CD44: variants seen among roughly 807,000 people sequenced by gnomAD.
CD44 encodes the protein CD44 molecule (IN blood group), also known as CD44 antigen.
In CD44, 49 loss-of-function variants were observed where a neutral mutation model predicts 88.8. The observed-to-expected ratio is 0.55, with a 90% CI of 0.44 to 0.70. The LOEUF is 0.70. Among genes scored for constraint, CD44 ranks in the 30% least tolerant of loss-of-function variants. The pLI is 0.00. For missense variants in CD44, 883 were observed against 913.8 expected (o/e 0.97, Z 0.43); for synonymous variants, 325 against 312.3 (o/e 1.04, Z -0.43).
chr11:35,171,479 C>T lies in CD44; in HGVS notation c.68-5096C>T, dbSNP rs186649232. 2.9e-3 allele frequency among the ~76,000 whole-genome samples: 449 copies of T among 152,270 alleles called. 8 individuals carry two copies. Among genetic ancestry groups the T allele is most frequent in the Admixed American group, 0.026 (404 of 15,302 alleles). ...TGCAGATACCTACAATGTGTCAGAA[C>T]CTGCTTAAGCCTTCACATCTAGGAA... On this transcript the variant is annotated intron_variant, in intron 1 of 17. Transcript: ENST00000428726.
chr11:35,151,290 A>T (rs1423274024), intron 1 of CD44, among the ~76,000 whole-genome samples: 7 of 152,164 alleles, frequency 4.6e-5, no homozygotes, highest in Non-Finnish European at 1.0e-4. Flanking sequence ...GCAATCAAGT[A>T]ACAGTGGCAC....
chr11:35,139,724 G>C, intron 1 of CD44: 1 of 526,028 alleles, frequency 1.9e-6, no homozygotes, highest in Admixed American at 2.2e-5. Context: ...GTGCCCAAGG[G>C]CTCGCCAAGC....
chr11:35,210,061 A>T lies in CD44; in HGVS notation c.1606+7A>T. Reference sequence around the variant, plus strand: ...TCTACTCTGACATCAAGCAGTAAGGATTATAAAACCTAGTTGGCTTCAGCT... The same window carrying T: ...TCTACTCTGACATCAAGCAGTAAGGTTTATAAAACCTAGTTGGCTTCAGCT... On this transcript the variant is annotated splice_region_variant and intron_variant, in intron 13 of 17. Coordinates refer to ENST00000428726, the MANE Select transcript of CD44 (RefSeq NM_000610.4). The T allele has an allele frequency of 1.3e-6, 2 of 1,507,302 alleles. No homozygotes were observed. Among genetic ancestry groups the T allele is most frequent in the African/African-American group, 2.9e-5 (2 of 69,346 alleles). The allele number at this position is 1,507,302 out of a possible 1,614,324, so 93.4% of individuals were successfully genotyped here. A position where few individuals can be genotyped will look rare whatever the true frequency, so the allele number is the denominator to read the frequency against.
chr11:35,211,210 A>T (rs754439974), intron 13 of CD44, 36 bp from the exon 14 acceptor site: 2 of 1,536,110 alleles, frequency 1.3e-6, no homozygotes, highest in South Asian at 1.1e-5. Context: ...GTGATCTTAC[A>T]AATACGGGTT....
intron 15 of CD44, among the ~76,000 whole-genome samples, chr11:35,217,567 T>G (rs1391757797): frequency 6.6e-6 from 1 of 152,238 alleles, no homozygotes; most frequent in Non-Finnish European, 1.5e-5. Flanking sequence ...GGATAGGGGA[T>G]GTTGAAACAC....
intron 7 of CD44, 106 bp from the exon 8 acceptor site, chr11:35,200,976 T>C (rs1422186667): frequency 1.2e-6 from 1 of 817,456 alleles, no homozygotes; most frequent in Non-Finnish European, 2.2e-6. Flanking sequence ...CAACCTGGTA[T>C]AGATGATTCA....
intron 2 of CD44, among the ~76,000 whole-genome samples, chr11:35,178,585 G>T (rs1318326442): frequency 1.3e-5 from 2 of 152,130 alleles, no homozygotes; most frequent in African/African-American, 4.8e-5. Context: ...TCCTCCTTGT[G>T]AACAGTAACT....
intron 5 of CD44, among the ~76,000 whole-genome samples, chr11:35,194,090 C>T (rs1241791660): frequency 6.6e-6 from 1 of 152,208 alleles, no homozygotes; most frequent in Non-Finnish European, 1.5e-5. Context: ...CGAAAACCTC[C>T]AGCTCATGGC....
chr11:35,147,657 C>G (rs973435396), intron 1 of CD44, among the ~76,000 whole-genome samples: 3 of 151,412 alleles, frequency 2.0e-5, no homozygotes, highest in Admixed American at 2.0e-4. Flanking sequence ...TTACACTTAA[C>G]AGGTCTGCAG....
chr11:35,201,618 A>G, intron 8 of CD44, 53 bp from the exon 9 acceptor site: 1 of 1,606,554 alleles, frequency 6.2e-7, no homozygotes, highest in East Asian at 2.2e-5. Flanking sequence ...GAATAGAATC[A>G]TTAAAGATTG....
intron 17 of CD44, among the ~76,000 whole-genome samples, chr11:35,226,396 A>G (rs1278327335): frequency 6.6e-6 from 1 of 152,216 alleles, no homozygotes; most frequent in Non-Finnish European, 1.5e-5. Context: ...ACTTTCCTCC[A>G]AAGAACACAG....
chr11:35,229,264 T>C lies in CD44; in HGVS notation c.2160T>C (p.Thr720=), dbSNP rs1490874299. The change falls in exon 18 of 18, where the codon ACT becomes ACC. Residue 720 remains threonine (T), a synonymous_variant. Transcript: ENST00000428726. ...TGGTGAACAAGGAGTCGTCAGAAAC[T>C]CCAGACCAGTTTATGACAGCTGATG... The part of the protein sequence containing the change: ...VHLVNKESSE[T]PDQFMTADET... 1.9e-6 allele frequency: 3 copies of C among 1,613,882 alleles called. No individual in the cohort carries two copies. The African/African-American group carries it at 4.0e-5, about 22-fold the overall frequency.
At chr11:35,207,422 C>T (rs1158476837) in intron 11 of CD44, among the ~76,000 whole-genome samples, 1 of 152,210 alleles carries the variant, frequency 6.6e-6, no homozygotes, top group Non-Finnish European at 1.5e-5. Context: ...CTTATTTCAG[C>T]AGAGTAGATC....
At chr11:35,179,494 T>C (rs1944787393) in intron 2 of CD44, among the ~76,000 whole-genome samples, 1 of 152,196 alleles carries the variant, frequency 6.6e-6, no homozygotes, top group Non-Finnish European at 1.5e-5. Context: ...TATCCAGCTG[T>C]AACACACTCC....
At chr11:35,217,031 T>C (rs1547058) in intron 15 of CD44, among the ~76,000 whole-genome samples, 9,230 of 152,256 alleles carry the variant, frequency 0.061, 458 homozygotes, top group African/African-American at 0.13. Context: ...GTGCTCCTCT[T>C]TGTGGAACTT....
chr11:35,182,218 A>T (rs932064475), intron 3 of CD44, among the ~76,000 whole-genome samples: 2 of 151,370 alleles, frequency 1.3e-5, no homozygotes, highest in African/African-American at 4.9e-5. Context: ...AAACCCAAAA[A>T]TTAAAATTAA....
chr11:35,180,375 C>T lies in CD44; in HGVS notation c.335C>T (p.Ser112Phe). ...TGVYILTSNT[S>F]QYDTYCFNAS... ...GTGTACATCCTCACATCCAACACCT[C>T]CCAGTATGACACATATTGCTTCAAT... The change falls in exon 3 of 18, where the codon TCC (serine) becomes TTC (phenylalanine). Residue 112 changes from serine to phenylalanine, a missense_variant. Ser to Phe is a radical substitution (Grantham distance 155). Coordinates refer to ENST00000428726, the MANE Select transcript of CD44 (RefSeq NM_000610.4). 6.2e-7 allele frequency: 1 copy of T among 1,614,106 alleles called. No individual in the cohort carries two copies. Among genetic ancestry groups the T allele is most frequent in the South Asian group, 1.1e-5 (1 of 91,072 alleles).
At chr11:35,142,284 C>T (rs1367642947) in intron 1 of CD44, among the ~76,000 whole-genome samples, 1 of 152,078 alleles carries the variant, frequency 6.6e-6, no homozygotes, top group African/African-American at 2.4e-5. Flanking sequence ...CCATTTGACC[C>T]AGCCATCCCA....
At chr11:35,206,892 G>A (rs1286512748) in intron 11 of CD44, among the ~76,000 whole-genome samples, 2 of 152,264 alleles carry the variant, frequency 1.3e-5, no homozygotes, top group African/African-American at 2.4e-5. Flanking sequence ...CACCCATGGG[G>A]GAAAACCAAG....
Sources: allele counts gnomAD v4.1 joint callset (sites outside exome capture counted in the v4.1 genomes callset), GRCh38; gene constraint gnomAD v4.1.1; transcripts MANE v1.5; gene names NCBI Gene and HGNC (gene_info 2026-07-23, HGNC 2026-07-21).